Variants in LRRC4C observed in about 807,000 individuals in gnomAD.
LRRC4C encodes the protein leucine rich repeat containing 4C.
Under a neutral mutation model 33.6 loss-of-function variants are expected in LRRC4C, and 5 were observed. The ratio of observed to expected loss-of-function variants is 0.15; its 90% confidence interval spans 0.08 to 0.31. The LOEUF (loss-of-function observed/expected upper bound fraction) is 0.31. Ranked by LOEUF, LRRC4C falls within the 10% of genes least tolerant of loss-of-function variation. The probability of loss-of-function intolerance (pLI) is 1.00; values close to 1 mark genes in which losing one functional copy is unlikely to be tolerated. For missense variants in LRRC4C, 560 were observed against 796.7 expected (o/e 0.70, Z 3.58); for synonymous variants, 329 against 302.0 (o/e 1.09, Z -0.93).
chr11:41,030,807 T>TAC (rs1162441561), intron 1 of LRRC4C, among the ~76,000 whole-genome samples: 1 of 151,744 alleles, frequency 6.6e-6, no homozygotes, highest in Non-Finnish European at 1.5e-5. Flanking sequence ...TACACACACA[T>TAC]ACACACACAT....
intron 3 of LRRC4C, among the ~76,000 whole-genome samples, chr11:40,626,220 A>G (rs1195829111): frequency 6.6e-6 from 1 of 152,012 alleles, no homozygotes; most frequent in Non-Finnish European, 1.5e-5. Context: ...CATTTCCCAG[A>G]TATCCTGATT....
At chr11:41,336,431 T>C (rs1051652619) in intron 1 of LRRC4C, among the ~76,000 whole-genome samples, 22 of 125,084 alleles carry the variant, frequency 1.8e-4, no homozygotes, top group African/African-American at 6.1e-4. Context: ...GAAAAAAAAA[T>C]AAAAGGTGGG....
intron 1 of LRRC4C, among the ~76,000 whole-genome samples, chr11:41,382,259 G>A (rs1436476246): frequency 4.6e-5 from 7 of 151,766 alleles, no homozygotes; most frequent in Admixed American, 3.3e-4. Context: ...ACTGATAGTC[G>A]GCATTTCTAA....
intron 3 of LRRC4C, among the ~76,000 whole-genome samples, chr11:40,566,429 GTAGA>G (rs1957771844): frequency 6.6e-6 from 1 of 151,996 alleles, no homozygotes; most frequent in South Asian, 2.1e-4. Context: ...TAATGGTTAA[GTAGA>G]TAATGTCATA....
At chr11:40,895,798 C>T (rs1955913397) in intron 2 of LRRC4C, among the ~76,000 whole-genome samples, 1 of 152,062 alleles carries the variant, frequency 6.6e-6, no homozygotes, top group Non-Finnish European at 1.5e-5. Context: ...TTATTATCTG[C>T]TAATAATTAG....
At chr11:40,426,229 T>A (rs1950710654) in intron 3 of LRRC4C, among the ~76,000 whole-genome samples, 1 of 151,954 alleles carries the variant, frequency 6.6e-6, no homozygotes, top group Non-Finnish European at 1.5e-5. Context: ...TAGCCAGGAT[T>A]GTCTCGATCT....
chr11:40,367,762 G>GT (rs1223451101), intron 3 of LRRC4C, among the ~76,000 whole-genome samples: 1 of 151,936 alleles, frequency 6.6e-6, no homozygotes, highest in Non-Finnish European at 1.5e-5. Flanking sequence ...TCATGTTATT[G>GT]TTTTCCTTCT....
rs144412391 is a variant in LRRC4C, at chr11:40,729,006, T to A, written c.-406-80728A>T. 6.9e-3 allele frequency among the ~76,000 whole-genome samples: 1,046 copies of A among 152,014 alleles called. 10 individuals carry two copies. Among genetic ancestry groups the A allele is most frequent in the Non-Finnish European group, 0.011 (718 of 67,950 alleles). On this transcript the variant is annotated intron_variant, in intron 2 of 6. Coordinates refer to ENST00000528697, the MANE Select transcript of LRRC4C (RefSeq NM_001258419.2). Reference sequence around the variant, plus strand: ...AGGGAGGGTGGGAGGGAGGGGTAAGTACTGAAAAATTTTCTATTGAATATT... The same window carrying A: ...AGGGAGGGTGGGAGGGAGGGGTAAGAACTGAAAAATTTTCTATTGAATATT...
chr11:40,206,322 G>A (rs1590706932), intron 5 of LRRC4C, among the ~76,000 whole-genome samples: 2 of 151,948 alleles, frequency 1.3e-5, no homozygotes, highest in Non-Finnish European at 2.9e-5. Context: ...TGCAACCTCC[G>A]CCTCCCAGGT....
chr11:40,490,554 T>C (rs1954096492), intron 3 of LRRC4C, among the ~76,000 whole-genome samples: 1 of 152,176 alleles, frequency 6.6e-6, no homozygotes, highest in Non-Finnish European at 1.5e-5. Flanking sequence ...TGTTCTTTAT[T>C]TTCTAACTTT....
intron 3 of LRRC4C, among the ~76,000 whole-genome samples, chr11:40,444,540 T>C (rs1294695721): frequency 1.3e-5 from 2 of 151,996 alleles, no homozygotes; most frequent in Admixed American, 1.3e-4. Flanking sequence ...ATTATATAGA[T>C]AATGAAACAA....
intron 1 of LRRC4C, among the ~76,000 whole-genome samples, chr11:40,965,233 A>T (rs1331852735): frequency 6.6e-6 from 1 of 151,646 alleles, no homozygotes; most frequent in Non-Finnish European, 1.5e-5. Context: ...TTTTCTTGTA[A>T]ATTTGTTTGA....
chr11:40,707,104 A>G (rs1946206097), intron 2 of LRRC4C, among the ~76,000 whole-genome samples: 1 of 152,130 alleles, frequency 6.6e-6, no homozygotes, highest in South Asian at 2.1e-4. Context: ...TCTTAAGGAG[A>G]TTTTGGGCTG....
intron 3 of LRRC4C, among the ~76,000 whole-genome samples, chr11:40,616,198 A>G (rs1417719034): frequency 6.6e-6 from 1 of 152,016 alleles, no homozygotes; most frequent in Non-Finnish European, 1.5e-5. Context: ...TGCAAATCAA[A>G]ACCACAATGA....
At chr11:40,233,396 G>A (rs1027559390) in intron 5 of LRRC4C, among the ~76,000 whole-genome samples, 6 of 151,974 alleles carry the variant, frequency 3.9e-5, no homozygotes, top group African/African-American at 9.7e-5. Context: ...TGTTTTGGTC[G>A]CTAATCTACC....
intron 1 of LRRC4C, among the ~76,000 whole-genome samples, chr11:41,174,107 G>A (rs1336156405): frequency 6.6e-6 from 1 of 151,858 alleles, no homozygotes; most frequent in Non-Finnish European, 1.5e-5. Flanking sequence ...TGATACCTAT[G>A]CTAGGCACAG....
intron 1 of LRRC4C, among the ~76,000 whole-genome samples, chr11:41,193,915 A>G (rs553481018): frequency 2.0e-5 from 3 of 152,112 alleles, no homozygotes; most frequent in Middle Eastern, 3.4e-3. Context: ...ACAGCCAAAA[A>G]GAGAGAAATT....
At chr11:40,321,240 G>T (rs2136855034) in intron 3 of LRRC4C, among the ~76,000 whole-genome samples, 1 of 152,222 alleles carries the variant, frequency 6.6e-6, no homozygotes, top group East Asian at 1.9e-4. Flanking sequence ...TGGTTGAAAT[G>T]TTCATATTTA....
chr11:41,384,426 C>T (rs1953275972), intron 1 of LRRC4C, among the ~76,000 whole-genome samples: 2 of 151,646 alleles, frequency 1.3e-5, no homozygotes, highest in South Asian at 4.2e-4. Flanking sequence ...AAGCCATAAA[C>T]AATAGAAACC....
Sources: allele counts gnomAD v4.1 joint callset (sites outside exome capture counted in the v4.1 genomes callset), GRCh38; gene constraint gnomAD v4.1.1; transcripts MANE v1.5; gene names NCBI Gene and HGNC (gene_info 2026-07-23, HGNC 2026-07-21).